Variants in OLA1 observed in about 807,000 individuals in gnomAD.
OLA1 encodes the protein obg-like ATPase 1.
A neutral mutation model predicts 48.4 loss-of-function variants in OLA1; 14 were observed. The observed-to-expected ratio is 0.29, with a 90% CI of 0.19 to 0.45. The LOEUF is 0.45. OLA1 is among the 20% of genes least tolerant of loss of function. OLA1 has a pLI of 1.00. For missense variants in OLA1, 325 were observed against 467.1 expected, an observed-to-expected ratio of 0.70 and a Z score of 2.80; for synonymous variants, 127 against 150.4, an observed-to-expected ratio of 0.84 and a Z score of 1.14.
intron 5 of OLA1, among the ~76,000 whole-genome samples, chr2:174,124,010 A>G (rs936046151): frequency 1.3e-4 from 20 of 152,186 alleles, no homozygotes; most frequent in African/African-American, 4.8e-4. Context: ...CAAACATGCT[A>G]TTAGAAAATG....
chr2:174,105,367 C>G (rs532046867), intron 7 of OLA1, among the ~76,000 whole-genome samples: 5 of 151,850 alleles, frequency 3.3e-5, no homozygotes, highest in African/African-American at 7.2e-5. Flanking sequence ...CTTTTAAATA[C>G]GAAGATGGCA....
rs964673379 is a variant in OLA1, at chr2:174,248,463, T to G, written c.-12A>C. On this transcript the variant is annotated 5_prime_UTR_variant, in exon 1 of 11. Coordinates refer to ENST00000284719, the MANE Select transcript of OLA1 (RefSeq NM_013341.5). Reference sequence around the variant, plus strand: ...CCTGAGGGCCTCACCGTGCTCGGCCTGGGCGATGACACGGGGTCCCAGCGG... The same window carrying G: ...CCTGAGGGCCTCACCGTGCTCGGCCGGGGCGATGACACGGGGTCCCAGCGG... 2 of 164,978 alleles carry G rather than the reference T, an allele frequency of 1.2e-5. No homozygotes were observed. The highest frequency in any genetic ancestry group is 2.4e-5 in the African/African-American group (1 of 41,464). The allele number at this position is 164,978 out of a possible 1,614,324, so 10.2% of individuals were successfully genotyped here. A position where few individuals can be genotyped will look rare whatever the true frequency, so the allele number is the denominator to read the frequency against.
intron 7 of OLA1, among the ~76,000 whole-genome samples, chr2:174,091,053 T>C (rs921566149): frequency 1.3e-5 from 2 of 152,198 alleles, no homozygotes; most frequent in African/African-American, 4.8e-5. Context: ...TTACTCCCTA[T>C]TGTATCCACA....
At chr2:174,245,990 C>T (rs1443349803) in intron 2 of OLA1, among the ~76,000 whole-genome samples, 1 of 151,920 alleles carries the variant, frequency 6.6e-6, no homozygotes, top group African/African-American at 2.4e-5. Flanking sequence ...TGCATATATT[C>T]AATTCACTGT....
At chr2:174,156,563 G>A (rs1057428850) in intron 4 of OLA1, among the ~76,000 whole-genome samples, 1 of 137,794 alleles carries the variant, frequency 7.3e-6, no homozygotes, top group Non-Finnish European at 1.6e-5. Context: ...ATGCTGGCTT[G>A]TTTGCTCCCA....
intron 5 of OLA1, among the ~76,000 whole-genome samples, chr2:174,134,202 A>G (rs574587010): frequency 1.3e-4 from 20 of 152,338 alleles, no homozygotes; most frequent in African/African-American, 4.8e-4. Flanking sequence ...ACAGAAGTAG[A>G]ATTGCTAGTT....
At chr2:174,239,951 CA>C (rs1164450516) in intron 2 of OLA1, among the ~76,000 whole-genome samples, 1 of 151,058 alleles carries the variant, frequency 6.6e-6, no homozygotes, top group Non-Finnish European at 1.5e-5. Flanking sequence ...AATCTTGGAC[CA>C]AAAAAAGGAC....
At chr2:174,241,555 C>T (rs1054231855) in intron 2 of OLA1, among the ~76,000 whole-genome samples, 2 of 152,354 alleles carry the variant, frequency 1.3e-5, no homozygotes, top group Non-Finnish European at 2.9e-5. Context: ...CAATTACTCT[C>T]CTGGGGCAGT....
chr2:174,144,942 AAAAAAAAAAATATATATAT>A (rs1686548223), intron 4 of OLA1, among the ~76,000 whole-genome samples: 2 of 75,834 alleles, frequency 2.6e-5, no homozygotes, highest in South Asian at 5.9e-4. Context: ...AAAAAAAAAA[AAAAAAAAAAATATATATAT>A]ATATATATAT....
intron 1 of OLA1, chr2:174,247,610 T>C (rs1689154478): frequency 1.3e-6 from 2 of 1,548,082 alleles, no homozygotes; most frequent in African/African-American, 2.7e-5. Context: ...CTCTATAATC[T>C]GGAATCTTAT....
intron 4 of OLA1, among the ~76,000 whole-genome samples, chr2:174,173,307 G>A (rs1687349037): frequency 7.1e-6 from 1 of 140,028 alleles, no homozygotes; most frequent in South Asian, 2.6e-4. Flanking sequence ...ACAAAATATT[G>A]GAGCTGAAGA....
chr2:174,125,805 TAATTA>T (rs2105369468), intron 5 of OLA1, among the ~76,000 whole-genome samples: 1 of 152,336 alleles, frequency 6.6e-6, no homozygotes, highest in African/African-American at 2.4e-5. Flanking sequence ...AGTCAAGTTT[TAATTA>T]AATAGAATTC....
At chr2:174,140,844 T>C (rs1304167226) in intron 5 of OLA1, among the ~76,000 whole-genome samples, 1 of 152,248 alleles carries the variant, frequency 6.6e-6, no homozygotes, top group Admixed American at 6.5e-5. Flanking sequence ...TTCTTTACTC[T>C]TGCCAATGGG....
Position 174,125,475 on chromosome 2 carries a change from T to C in OLA1, c.550-1800A>G, listed in dbSNP as rs970866398. Among the ~76,000 whole-genome samples the C allele has an allele frequency of 2.6e-5, 4 of 152,348 alleles. No individual in the cohort carries two copies. In the South Asian group the frequency reaches 6.2e-4, roughly 24 times the overall value. ...GAAAGAAAAAACAGTCGTACCATCT[T>C]ATATTTGGTTCCATTAGTTTTTTCA... On this transcript the variant is annotated intron_variant, in intron 5 of 10. Coordinates refer to ENST00000284719, the MANE Select transcript of OLA1 (RefSeq NM_013341.5).
At chr2:174,213,757 G>A (rs909235947) in intron 4 of OLA1, among the ~76,000 whole-genome samples, 1 of 152,038 alleles carries the variant, frequency 6.6e-6, no homozygotes, top group South Asian at 2.1e-4. Flanking sequence ...TTGGCAGGCC[G>A]TTTTATCTGA....
At chr2:174,107,886 C>T (rs574369820) in intron 7 of OLA1, among the ~76,000 whole-genome samples, 1 of 151,952 alleles carries the variant, frequency 6.6e-6, no homozygotes, top group South Asian at 2.1e-4. Flanking sequence ...ATATTATACA[C>T]CATATAGATA....
intron 5 of OLA1, chr2:174,124,443 A>G (rs1686000949): frequency 6.6e-6 from 1 of 152,210 alleles, no homozygotes; most frequent in South Asian, 2.1e-4. Flanking sequence ...AGAAAGATTA[A>G]TCATCTGTGA....
chr2:174,161,169 T>C (rs1687002480), intron 4 of OLA1, among the ~76,000 whole-genome samples: 1 of 152,194 alleles, frequency 6.6e-6, no homozygotes, highest in Non-Finnish European at 1.5e-5. Context: ...CTATATCACA[T>C]ACATAGTTAA....
At chr2:174,220,905 A>G (rs1319574570) in intron 4 of OLA1, among the ~76,000 whole-genome samples, 1 of 152,196 alleles carries the variant, frequency 6.6e-6, no homozygotes, top group African/African-American at 2.4e-5. Flanking sequence ...GCTGAAAAGT[A>G]CTCTAAACAC....
Sources: allele counts gnomAD v4.1 joint callset (sites outside exome capture counted in the v4.1 genomes callset), GRCh38; gene constraint gnomAD v4.1.1; transcripts MANE v1.5; gene names NCBI Gene and HGNC (gene_info 2026-07-23, HGNC 2026-07-21).